The following CORO2B variants were observed in gnomAD, a reference collection of about 807,000 sequenced individuals.
CORO2B encodes coronin 2B.
A neutral mutation model predicts 58.8 loss-of-function variants in CORO2B; 26 were observed. The ratio of observed to expected loss-of-function variants is 0.44; its 90% CI spans 0.32 to 0.61. The LOEUF is 0.61. Ranked by LOEUF, CORO2B falls within the 20% of genes least tolerant of loss-of-function variation. The pLI is 0.04. For missense variants in CORO2B, 460 were observed against 645.1 expected (o/e 0.71, Z 3.11); for synonymous variants, 242 against 253.8 (o/e 0.95, Z 0.44).
intron 2 of CORO2B, among the ~76,000 whole-genome samples, chr15:68,654,060 A>G (rs1323553590): frequency 6.6e-6 from 1 of 152,178 alleles, no homozygotes; most frequent in Non-Finnish European, 1.5e-5. Context: ...GTGACTTTGG[A>G]AAAGGGAGGA....
chr15:68,613,447 G>GAACA (rs1252483463), intron 1 of CORO2B, among the ~76,000 whole-genome samples: 1 of 152,092 alleles, frequency 6.6e-6, no homozygotes, highest in Non-Finnish European at 1.5e-5. Flanking sequence ...AACCCTCTCA[G>GAACA]AACTTCCCTT....
chr15:68,665,692 T>A (rs1902170319), intron 2 of CORO2B, among the ~76,000 whole-genome samples: 1 of 152,080 alleles, frequency 6.6e-6, no homozygotes, highest in Non-Finnish European at 1.5e-5. Flanking sequence ...CGTATTTACC[T>A]TTTTTATTGT....
At chr15:68,721,471 C>T (rs1406996497) in intron 11 of CORO2B, among the ~76,000 whole-genome samples, 3 of 151,928 alleles carry the variant, frequency 2.0e-5, no homozygotes, top group Non-Finnish European at 4.4e-5. Flanking sequence ...GTTGAGAGGC[C>T]AAGGCGGGTG....
the CORO2B span, among the ~76,000 whole-genome samples, chr15:68,548,942 G>T: frequency 6.6e-6 from 1 of 152,030 alleles, no homozygotes; most frequent in Non-Finnish European, 1.5e-5. Flanking sequence ...ACAGTCCCTT[G>T]TTGATTATAT....
chr15:68,541,331 T>C, the CORO2B span, among the ~76,000 whole-genome samples: 2 of 151,998 alleles, frequency 1.3e-5, no homozygotes, highest in African/African-American at 4.8e-5. Flanking sequence ...TGAGTAAGAG[T>C]CCTATTGGCA....
At chr15:68,722,548 T>C (rs936316965) in intron 11 of CORO2B, among the ~76,000 whole-genome samples, 26 of 152,180 alleles carry the variant, frequency 1.7e-4, no homozygotes, top group African/African-American at 6.3e-4. Context: ...ATGAGTGACT[T>C]TTATGGTGTG....
At chr15:68,566,290 T>C in the CORO2B span, among the ~76,000 whole-genome samples, 2 of 152,072 alleles carry the variant, frequency 1.3e-5, no homozygotes, top group Non-Finnish European at 2.9e-5. Flanking sequence ...CCCCATTTGA[T>C]AGGAGAGGAA....
intron 3 of CORO2B, among the ~76,000 whole-genome samples, chr15:68,704,817 G>T (rs563512913): frequency 6.6e-6 from 1 of 152,110 alleles, no homozygotes; most frequent in Non-Finnish European, 1.5e-5. Flanking sequence ...AGCAAGGCAG[G>T]CTTGCTGGAG....
intron 1 of CORO2B, chr15:68,632,018 A>G (rs1900848622): frequency 1.0e-6 from 1 of 985,424 alleles, no homozygotes. Flanking sequence ...GTAATGAGGG[A>G]GGCAGGGCTA....
At chr15:68,650,662 A>G (rs981760385) in intron 2 of CORO2B, among the ~76,000 whole-genome samples, 1 of 152,218 alleles carries the variant, frequency 6.6e-6, no homozygotes, top group African/African-American at 2.4e-5. Context: ...AAAAATATAC[A>G]TCAAATGTCA....
chr15:68,566,272 G>A, the CORO2B span, among the ~76,000 whole-genome samples: 7 of 152,236 alleles, frequency 4.6e-5, no homozygotes, highest in East Asian at 9.7e-4. Context: ...GGTGGCTGCC[G>A]TCATTATCCC....
the CORO2B span, among the ~76,000 whole-genome samples, chr15:68,564,671 A>G: frequency 8.5e-5 from 13 of 152,170 alleles, no homozygotes; most frequent in Admixed American, 6.6e-4. Context: ...ATTCAAAATT[A>G]TCACTGATGA....
At chr15:68,722,371 T>C (rs1223690942) in intron 11 of CORO2B, among the ~76,000 whole-genome samples, 1 of 152,206 alleles carries the variant, frequency 6.6e-6, no homozygotes, top group Non-Finnish European at 1.5e-5. Flanking sequence ...ATCCACAGTT[T>C]TAATCATCGT....
intron 1 of CORO2B, among the ~76,000 whole-genome samples, chr15:68,621,767 CTTT>C (rs34809209): frequency 1.1e-4 from 15 of 136,262 alleles, no homozygotes; most frequent in Admixed American, 2.2e-4. Context: ...AGTTTCACTT[CTTT>C]TTTTTTTTTT....
At chr15:68,633,514 T>TACACACACACACACACACACAC (rs147873341) in intron 1 of CORO2B, among the ~76,000 whole-genome samples, 47 of 143,996 alleles carry the variant, frequency 3.3e-4, no homozygotes, top group African/African-American at 1.2e-3. Context: ...TACTCCAACA[T>TACACACACACACACACACACAC]ACACACACAC....
intron 2 of CORO2B, among the ~76,000 whole-genome samples, chr15:68,650,722 T>G (rs995628833): frequency 1.2e-4 from 18 of 152,228 alleles, no homozygotes; most frequent in African/African-American, 4.3e-4. Context: ...TTTAATTTTC[T>G]TTTCCCTTAG....
At chr15:68,630,773 T>G (rs1434929651) in intron 1 of CORO2B, among the ~76,000 whole-genome samples, 1 of 152,166 alleles carries the variant, frequency 6.6e-6, no homozygotes, top group Non-Finnish European at 1.5e-5. Flanking sequence ...TCTGTCCTTG[T>G]GGTCTGTCTT....
At chr15:68,564,180 C>T in the CORO2B span, among the ~76,000 whole-genome samples, 1 of 152,190 alleles carries the variant, frequency 6.6e-6, no homozygotes, top group Non-Finnish European at 1.5e-5. Flanking sequence ...TGCAAATTGG[C>T]ACTTTTTATT....
intron 2 of CORO2B, among the ~76,000 whole-genome samples, chr15:68,674,010 G>A (rs554443140): frequency 1.2e-3 from 176 of 152,218 alleles, no homozygotes; most frequent in African/African-American, 4.1e-3. Context: ...AGAAGGAGGC[G>A]GATTTTCATC....
Sources: gnomAD v4.1 joint callset for allele counts (sites outside exome capture counted in the v4.1 genomes callset) on GRCh38, gnomAD v4.1.1 for gene constraint, MANE v1.5 for transcripts, NCBI Gene and HGNC (gene_info 2026-07-23, HGNC 2026-07-21) for gene names.